The following C1QTNF7 variants were observed in gnomAD, a reference collection of about 807,000 sequenced individuals.
C1QTNF7 encodes the protein complement C1q tumor necrosis factor-related protein 7.
In C1QTNF7, 15 loss-of-function variants were observed where a neutral mutation model predicts 19.6. That is an observed-to-expected ratio of 0.76 (90% CI 0.51 to 1.18). C1QTNF7 has a LOEUF of 1.18. C1QTNF7 is among the 50% of genes most tolerant of loss of function. The pLI is 0.00. For missense variants in C1QTNF7, 324 were observed against 359.7 expected (o/e 0.90, Z 0.80); for synonymous variants, 142 against 137.5 (o/e 1.03, Z -0.23).
chr4:15,377,993 C>G (rs1257299898), intron 1 of C1QTNF7, among the ~76,000 whole-genome samples: 1 of 152,212 alleles, frequency 6.6e-6, no homozygotes. Flanking sequence ...GAGCCAAAGT[C>G]CCTGCCTTTG....
intron 1 of C1QTNF7, among the ~76,000 whole-genome samples, chr4:15,410,015 G>A (rs1284059139): frequency 6.6e-6 from 1 of 152,152 alleles, no homozygotes; most frequent in African/African-American, 2.4e-5. Flanking sequence ...TTGACTTAAA[G>A]CCAGAAAGTG....
chr4:15,354,395 G>C (rs189036103), intron 1 of C1QTNF7, among the ~76,000 whole-genome samples: 3 of 152,248 alleles, frequency 2.0e-5, no homozygotes, highest in East Asian at 3.9e-4. Context: ...GTGGAAAGCA[G>C]ACTTTTAGGA....
chr4:15,379,935 C>G (rs147008803), intron 1 of C1QTNF7, among the ~76,000 whole-genome samples: 1 of 152,322 alleles, frequency 6.6e-6, no homozygotes, highest in East Asian at 1.9e-4. Flanking sequence ...TATTCTTCTT[C>G]CCCTAACCCA....
chr4:15,439,545 T>C (rs1176824391), intron 2 of C1QTNF7, among the ~76,000 whole-genome samples: 1 of 152,218 alleles, frequency 6.6e-6, no homozygotes, highest in African/African-American at 2.4e-5. Flanking sequence ...TAAGTTTGGA[T>C]TGGACTTAGA....
chr4:15,369,520 T>C (rs1370500508), intron 1 of C1QTNF7, among the ~76,000 whole-genome samples: 1 of 152,258 alleles, frequency 6.6e-6, no homozygotes, highest in African/African-American at 2.4e-5. Context: ...ATCAGCTACA[T>C]CTGTTATTGT....
chr4:15,441,186 C>T (rs1332237931), intron 2 of C1QTNF7, among the ~76,000 whole-genome samples: 1 of 152,160 alleles, frequency 6.6e-6, no homozygotes, highest in Non-Finnish European at 1.5e-5. Context: ...AATGCTCTGG[C>T]TCCAGAGTCA....
intron 1 of C1QTNF7, among the ~76,000 whole-genome samples, chr4:15,429,727 T>A (rs1453171370): frequency 6.6e-6 from 1 of 152,218 alleles, no homozygotes. Flanking sequence ...TCCTTGCTGC[T>A]ACGAACATGC....
chr4:15,341,126 G>A (rs181961313), intron 1 of C1QTNF7, among the ~76,000 whole-genome samples: 2 of 152,328 alleles, frequency 1.3e-5, no homozygotes, highest in Admixed American at 1.3e-4. Context: ...TTTTATCACA[G>A]CTCCACATTC....
intron 1 of C1QTNF7, among the ~76,000 whole-genome samples, chr4:15,346,147 A>G (rs1410056368): frequency 2.0e-5 from 3 of 152,122 alleles, no homozygotes; most frequent in South Asian, 2.1e-4. Context: ...GCTTTGTTAG[A>G]TATAGTAACG....
intron 1 of C1QTNF7, among the ~76,000 whole-genome samples, chr4:15,433,139 C>T (rs1577281319): frequency 6.6e-6 from 1 of 152,194 alleles, no homozygotes; most frequent in East Asian, 1.9e-4. Context: ...AATAGCCTTG[C>T]ACCCCATGTC....
chr4:15,441,389 T>C (rs1043662494), intron 2 of C1QTNF7, among the ~76,000 whole-genome samples: 11 of 152,240 alleles, frequency 7.2e-5, no homozygotes, highest in Non-Finnish European at 1.6e-4. Flanking sequence ...CCCTGGAACA[T>C]AGTAAATCCT....
chr4:15,419,090 G>A (rs778078324), intron 1 of C1QTNF7, among the ~76,000 whole-genome samples: 2 of 152,214 alleles, frequency 1.3e-5, no homozygotes, highest in Non-Finnish European at 2.9e-5. Context: ...GCCTGGCTGT[G>A]GGGGAACTTA....
intron 1 of C1QTNF7, among the ~76,000 whole-genome samples, chr4:15,356,159 G>A (rs193106365): frequency 2.3e-4 from 35 of 152,082 alleles, no homozygotes; most frequent in Middle Eastern, 6.8e-3. Flanking sequence ...ATGCAGGTTT[G>A]TTACATAGGT....
At chr4:15,372,067 G>A (rs1365023297) in intron 1 of C1QTNF7, among the ~76,000 whole-genome samples, 1 of 152,032 alleles carries the variant, frequency 6.6e-6, no homozygotes, top group African/African-American at 2.4e-5. Context: ...TGTGACCTTA[G>A]AAAAGTCACT....
intron 1 of C1QTNF7, among the ~76,000 whole-genome samples, chr4:15,405,383 C>G (rs997297053): frequency 2.0e-5 from 3 of 152,312 alleles, no homozygotes; most frequent in Admixed American, 2.0e-4. Context: ...AAGGTGCCTG[C>G]TCATGCCTTA....
At chr4:15,409,893 A>T (rs1363461737) in intron 1 of C1QTNF7, among the ~76,000 whole-genome samples, 1 of 152,218 alleles carries the variant, frequency 6.6e-6, no homozygotes, top group East Asian at 1.9e-4. Flanking sequence ...CATAAATATG[A>T]TGACTCTTTT....
chr4:15,360,566 C>A (rs1223961162), intron 1 of C1QTNF7, among the ~76,000 whole-genome samples: 2 of 152,116 alleles, frequency 1.3e-5, no homozygotes, highest in African/African-American at 4.8e-5. Context: ...CACTAGTCAG[C>A]ATTTCTATGC....
intron 1 of C1QTNF7, among the ~76,000 whole-genome samples, chr4:15,362,243 C>T (rs1180504310): frequency 6.6e-6 from 1 of 152,150 alleles, no homozygotes; most frequent in South Asian, 2.1e-4. Flanking sequence ...AAGAGCTGAC[C>T]TGGGAGGTCC....
intron 1 of C1QTNF7, among the ~76,000 whole-genome samples, chr4:15,407,346 C>T (rs1441179469): frequency 6.6e-6 from 1 of 152,202 alleles, no homozygotes. Flanking sequence ...ATTATTCTCT[C>T]ATTTTAGAAA....
Sources: gnomAD v4.1 joint callset for allele counts (sites outside exome capture counted in the v4.1 genomes callset) on GRCh38, gnomAD v4.1.1 for gene constraint, MANE v1.5 for transcripts, NCBI Gene and HGNC (gene_info 2026-07-23, HGNC 2026-07-21) for gene names.